The following DNAJC12 variants were observed in gnomAD, a reference collection of about 807,000 sequenced individuals.
DNAJC12 encodes the protein DnaJ heat shock protein family (Hsp40) member C12.
Under a neutral mutation model 28.5 loss-of-function variants are expected in DNAJC12, and 25 were observed. The observed-to-expected ratio is 0.88, with a 90% confidence interval of 0.64 to 1.22. The LOEUF is 1.22. Ranked by LOEUF, DNAJC12 falls within the 50% of genes most tolerant of loss-of-function variation. The pLI is 0.00. For synonymous variants in DNAJC12, 77 were observed against 80.6 expected (o/e 0.95, Z 0.24); for missense variants, 222 against 231.7 (o/e 0.96, Z 0.27).
At chr10:67,805,884 G>A (rs1180466810) in intron 3 of DNAJC12, 97 bp from the exon 4 acceptor site, 1 of 912,454 alleles carries the variant, frequency 1.1e-6, no homozygotes, top group African/African-American at 1.7e-5. Context: ...ACCTACTACT[G>A]TAGTGCTAAT....
intron 1 of DNAJC12, among the ~76,000 whole-genome samples, chr10:67,828,674 C>CTCTA (rs748678411): frequency 1.2e-3 from 177 of 150,608 alleles, no homozygotes; most frequent in South Asian, 4.4e-3. Context: ...CTCTCTCTCT[C>CTCTA]TATATATATA....
At chr10:67,822,127 A>G (rs1203569028) in intron 2 of DNAJC12, among the ~76,000 whole-genome samples, 3 of 152,204 alleles carry the variant, frequency 2.0e-5, no homozygotes, top group Admixed American at 1.3e-4. Flanking sequence ...TTTAAGCTAC[A>G]GACCTGGACA....
chr10:67,797,884 C>CA (rs1181688853), intron 4 of DNAJC12, among the ~76,000 whole-genome samples: 4 of 151,876 alleles, frequency 2.6e-5, no homozygotes, highest in South Asian at 2.1e-4. Context: ...ACTAAAAATA[C>CA]AAAAAATTAG....
chr10:67,810,733 A>G (rs1042874439), intron 3 of DNAJC12: 7 of 152,188 alleles, frequency 4.6e-5, no homozygotes, highest in African/African-American at 1.4e-4. Flanking sequence ...ATGAAGAAGG[A>G]AATCTAAATG....
At position 67,807,612 on chromosome 10, in the gene DNAJC12, A is replaced by T. The variant is rs572514559; in HGVS notation, c.298-1825T>A. ...TCCTCTGCAGAGGGAAAAGGATATT[A>T]GGAAGGTTAGTGAAAAACAAGGAAT... On this transcript the variant is annotated intron_variant, in intron 3 of 4. Coordinates refer to ENST00000225171, the MANE Select transcript of DNAJC12 (RefSeq NM_021800.3). Among the ~76,000 whole-genome samples the T allele has an allele frequency of 4.7e-4, 72 of 152,322 alleles. 1 individual carries two copies. In the South Asian group the frequency reaches 0.015, roughly 32 times the overall value.
Position 67,805,725 on chromosome 10 carries a change from A to G in DNAJC12, c.360T>C (p.His120=), listed in dbSNP as rs1227138508. ...DLMLEESDKT[H]TTKMENEECN... The stretch of plus-strand genomic sequence containing the variant: ...ATTCCTCATTTTCCATCTTGGTGGT[A>G]TGAGTCTTGTCAGATTCTTCCAGCA... The change falls in exon 4 of 5, where the codon CAT becomes CAC. Residue 120 remains histidine (H), a synonymous_variant. Transcript: ENST00000225171. 6 of 1,612,938 alleles carry G rather than the reference A, an allele frequency of 3.7e-6. No individual in the cohort carries two copies. The highest frequency in any genetic ancestry group is 4.2e-6 in the Non-Finnish European group (5 of 1,179,748).
rs953435259 is a variant in DNAJC12, at chr10:67,837,952, T to C, written c.60A>G (p.Gly20=). Residue 20 remains glycine (G), a synonymous_variant, in exon 1 of 5, where the codon GGA becomes GGG. Transcript: ENST00000225171. ...GTCTTACCGAAGATAGTTCATCACA[T>C]CCCAGTAATGTGTAGTAATCTTCAG... ...EDTEDYYTLL[G]CDELSSVEQI... is the part of the protein sequence containing the mutation. 6.2e-7 allele frequency: 1 copy of C among 1,606,576 alleles called. No homozygotes were observed. The highest frequency in any genetic ancestry group is 1.3e-5 in the African/African-American group (1 of 74,542).
intron 2 of DNAJC12, among the ~76,000 whole-genome samples, chr10:67,815,472 C>T (rs150473256): frequency 4.4e-5 from 6 of 137,028 alleles, no homozygotes; most frequent in African/African-American, 1.4e-4. Flanking sequence ...CACACCATTG[C>T]GCTCCAGCCT....
At chr10:67,833,351 C>T (rs1276530309) in intron 1 of DNAJC12, among the ~76,000 whole-genome samples, 3 of 151,982 alleles carry the variant, frequency 2.0e-5, no homozygotes, top group Non-Finnish European at 4.4e-5. Flanking sequence ...CCTGCAAAGC[C>T]TAAAATATTT....
intron 1 of DNAJC12, among the ~76,000 whole-genome samples, chr10:67,824,705 C>T (rs559898506): frequency 6.6e-6 from 1 of 151,860 alleles, no homozygotes; most frequent in East Asian, 1.9e-4. Context: ...AATCTGACTG[C>T]TTGGTTTTAT....
At chr10:67,810,642 G>A (rs1367168516) in intron 3 of DNAJC12, among the ~76,000 whole-genome samples, 2 of 152,186 alleles carry the variant, frequency 1.3e-5, no homozygotes, top group African/African-American at 2.4e-5. Context: ...CAGGTGCGAT[G>A]GCTCATGCCT....
intron 4 of DNAJC12, among the ~76,000 whole-genome samples, chr10:67,800,052 G>A (rs773224633): frequency 9.9e-5 from 15 of 151,468 alleles, no homozygotes; most frequent in Non-Finnish European, 1.8e-4. Flanking sequence ...GCAACATGGC[G>A]AAACCCCATC....
intron 3 of DNAJC12, among the ~76,000 whole-genome samples, chr10:67,807,492 T>G (rs77114338): frequency 6.6e-6 from 1 of 151,110 alleles, no homozygotes; most frequent in Non-Finnish European, 1.5e-5. Flanking sequence ...TCAGCTGGTA[T>G]TAAAAAAAAA....
intron 4 of DNAJC12, among the ~76,000 whole-genome samples, chr10:67,805,225 A>T (rs1841786872): frequency 1.3e-5 from 2 of 152,094 alleles, no homozygotes; most frequent in Admixed American, 1.3e-4. Context: ...AATAATATTG[A>T]TATCAGCCTC....
At chr10:67,814,586 T>C (rs1479920941) in intron 2 of DNAJC12, among the ~76,000 whole-genome samples, 1 of 152,144 alleles carries the variant, frequency 6.6e-6, no homozygotes, top group Non-Finnish European at 1.5e-5. Flanking sequence ...AACCATGGAA[T>C]GGGAAAAAAT....
At chr10:67,829,327 C>T (rs900263900) in intron 1 of DNAJC12, among the ~76,000 whole-genome samples, 11 of 152,146 alleles carry the variant, frequency 7.2e-5, no homozygotes, top group Non-Finnish European at 4.4e-5. Flanking sequence ...AGCCAGCCGC[C>T]CCTCTCAGGT....
intron 2 of DNAJC12, among the ~76,000 whole-genome samples, chr10:67,819,251 T>G (rs999851416): frequency 6.6e-6 from 1 of 151,744 alleles, no homozygotes; most frequent in African/African-American, 2.4e-5. Context: ...GAGAATGGCG[T>G]AAACCCGGGA....
rs533849440 is a variant in DNAJC12, at chr10:67,818,821, A to G, written c.157+4493T>C. Among the ~76,000 whole-genome samples the G allele has an allele frequency of 8.2e-4, 125 of 151,896 alleles. 1 individual carries two copies. The highest frequency in any genetic ancestry group is 2.9e-3 in the African/African-American group (120 of 41,446). ...CAGGCATGTGCCACCACGCCCGGCT[A>G]ATTTTGTATTTTTAGTAAAGACAGA... On this transcript the variant is annotated intron_variant, in intron 2 of 4. Transcript: ENST00000225171.
Position 67,805,659 on chromosome 10 carries a change from T to G in DNAJC12, c.426A>C (p.Ser142=). The change falls in exon 4 of 5, where the codon TCA becomes TCC. Residue 142 remains serine, a synonymous_variant. Transcript: ENST00000225171. ...CTTTCTGCTCCGTTTTCTCTGCGGTTGAAGCCAGCTCCTCTTTCTTTCTTT... is the reference window on the plus strand; with the variant it reads ...CTTTCTGCTCCGTTTTCTCTGCGGTGGAAGCCAGCTCCTCTTTCTTTCTTT... The part of the protein sequence containing the change: ...QRERKKEELA[S]TAEKTEQKEP... 6.2e-7 allele frequency: 1 copy of G among 1,613,944 alleles called. No homozygotes were observed. Among genetic ancestry groups the G allele is most frequent in the Admixed American group, 1.7e-5 (1 of 59,938 alleles).
Sources: allele counts gnomAD v4.1 joint callset (sites outside exome capture counted in the v4.1 genomes callset), GRCh38; gene constraint gnomAD v4.1.1; transcripts MANE v1.5; gene names NCBI Gene and HGNC (gene_info 2026-07-23, HGNC 2026-07-21).